BACH2: variants seen among roughly 807,000 people sequenced by gnomAD.
BACH2 encodes the protein BACH transcriptional regulator 2, also known as transcription regulator protein BACH2.
In BACH2, 5 loss-of-function variants were observed where a neutral mutation model predicts 61.8. The observed-to-expected ratio is 0.08, with a 90% CI of 0.04 to 0.17. The LOEUF (loss-of-function observed/expected upper bound fraction) is 0.17. BACH2 is among the 10% of genes least tolerant of loss of function. The probability of loss-of-function intolerance (pLI) is 1.00; values close to 1 mark genes in which losing one functional copy is unlikely to be tolerated. For missense variants in BACH2, 824 were observed against 1,091.1 expected (o/e 0.76, Z 3.45); for synonymous variants, 446 against 440.1 (o/e 1.01, Z -0.17).
chr6:89,961,320 T>A (rs1302017773), intron 6 of BACH2, among the ~76,000 whole-genome samples: 1 of 152,166 alleles, frequency 6.6e-6, no homozygotes, highest in African/African-American at 2.4e-5. Flanking sequence ...CGTTTTTCAG[T>A]GTAAAATAAA....
intron 5 of BACH2, among the ~76,000 whole-genome samples, chr6:90,010,473 C>T (rs564090794): frequency 7.9e-5 from 12 of 152,218 alleles, no homozygotes; most frequent in South Asian, 6.2e-4. Context: ...ATAAATATAG[C>T]GTAACTTTTT....
At chr6:90,178,173 G>C (rs2127840022) in intron 4 of BACH2, among the ~76,000 whole-genome samples, 1 of 152,278 alleles carries the variant, frequency 6.6e-6, no homozygotes, top group South Asian at 2.1e-4. Flanking sequence ...CTGGGGAAAT[G>C]CAAAGTTTGC....
At chr6:89,965,373 CAACCATG>C (rs2128359942) in intron 6 of BACH2, among the ~76,000 whole-genome samples, 1 of 152,338 alleles carries the variant, frequency 6.6e-6, no homozygotes, top group South Asian at 2.1e-4. Context: ...ACTCCTGCTT[CAACCATG>C]AATAGACATT....
intron 3 of BACH2, among the ~76,000 whole-genome samples, chr6:90,236,251 T>C (rs1770256156): frequency 6.6e-6 from 1 of 152,208 alleles, no homozygotes; most frequent in Non-Finnish European, 1.5e-5. Flanking sequence ...AAGCAAGCAA[T>C]AAACAGTGCT....
chr6:89,938,573 C>T (rs1249038981), intron 7 of BACH2, among the ~76,000 whole-genome samples: 3 of 152,146 alleles, frequency 2.0e-5, no homozygotes, highest in African/African-American at 7.2e-5. Context: ...GTTATTGTCT[C>T]TGAGATTTTT....
intron 1 of BACH2, among the ~76,000 whole-genome samples, chr6:90,296,148 A>G (rs1582578547): frequency 1.3e-5 from 2 of 151,328 alleles, no homozygotes; most frequent in African/African-American, 2.4e-5. Context: ...CTGACTTATT[A>G]CTCTCTGCTC....
intron 6 of BACH2, among the ~76,000 whole-genome samples, chr6:89,998,670 A>G (rs6931408): frequency 0.63 from 95,414 of 151,586 alleles, 31,306 homozygotes; most frequent in South Asian, 0.75. Flanking sequence ...TGCTTTTAAG[A>G]ACAGCCTTCT....
At chr6:89,945,471 T>C (rs1222044918) in intron 7 of BACH2, among the ~76,000 whole-genome samples, 1 of 152,182 alleles carries the variant, frequency 6.6e-6, no homozygotes, top group Non-Finnish European at 1.5e-5. Flanking sequence ...TCTTGCAAGA[T>C]TCTATTTATA....
At chr6:90,108,354 C>T (rs759912066) in intron 4 of BACH2, among the ~76,000 whole-genome samples, 2 of 152,166 alleles carry the variant, frequency 1.3e-5, no homozygotes, top group Non-Finnish European at 2.9e-5. Flanking sequence ...AGCTTACCTG[C>T]TCAAGCTGTC....
intron 4 of BACH2, among the ~76,000 whole-genome samples, chr6:90,168,636 T>C (rs749948529): frequency 1.4e-4 from 21 of 152,072 alleles, no homozygotes; most frequent in Non-Finnish European, 2.8e-4. Flanking sequence ...CCCAAACAAA[T>C]ACCTAATAGA....
intron 5 of BACH2, among the ~76,000 whole-genome samples, chr6:90,038,137 C>A (rs1371364158): frequency 6.6e-6 from 1 of 152,196 alleles, no homozygotes; most frequent in African/African-American, 2.4e-5. Context: ...GAAACTAGAA[C>A]AACCTTAAAG....
chr6:89,949,985 G>A (rs1379580005), intron 7 of BACH2: 3 of 480,072 alleles, frequency 6.2e-6, no homozygotes, highest in Non-Finnish European at 1.1e-5. Context: ...GAGTGCCTCA[G>A]TGTACTTCAT....
intron 5 of BACH2, among the ~76,000 whole-genome samples, chr6:90,030,384 G>A (rs943759633): frequency 1.3e-5 from 2 of 151,986 alleles, no homozygotes; most frequent in African/African-American, 4.8e-5. Flanking sequence ...TAGGAGGAAG[G>A]TTTCTGATTT....
At chr6:90,239,145 AC>A (rs1770350444) in intron 3 of BACH2, among the ~76,000 whole-genome samples, 1 of 151,952 alleles carries the variant, frequency 6.6e-6, no homozygotes, top group African/African-American at 2.4e-5. Context: ...TCAATACACA[AC>A]CCCATATGTA....
At chr6:90,006,838 G>A (rs768914973) in intron 6 of BACH2, among the ~76,000 whole-genome samples, 21 of 151,978 alleles carry the variant, frequency 1.4e-4, no homozygotes, top group Non-Finnish European at 2.8e-4. Flanking sequence ...AGACAGTCTT[G>A]AACTCCTGAA....
In BACH2 at chr6:90,008,532, C is replaced by G. The variant is rs1426264103; in HGVS notation, c.243+70G>C. 6.3e-7 allele frequency: 1 copy of G among 1,587,380 alleles called. No individual in the cohort carries two copies. Among genetic ancestry groups the G allele is most frequent in the African/African-American group, 1.3e-5 (1 of 74,478 alleles). ...ACATGGCACCTAGTACATCTTCTAGCTCCTAGTCAGCCAGTTTTCTGTAAG... is the reference window on the plus strand; with the variant it reads ...ACATGGCACCTAGTACATCTTCTAGGTCCTAGTCAGCCAGTTTTCTGTAAG... On this transcript the variant is annotated intron_variant, in intron 6 of 8. Coordinates refer to ENST00000257749, the MANE Select transcript of BACH2 (RefSeq NM_021813.4). The surrounding 1 kb of genome is among the most constrained non-coding windows in gnomAD (Gnocchi z 4.1).
intron 4 of BACH2, among the ~76,000 whole-genome samples, chr6:90,173,691 G>A (rs1767892839): frequency 6.6e-6 from 1 of 152,094 alleles, no homozygotes; most frequent in African/African-American, 2.4e-5. Context: ...GAAACTGATA[G>A]CAAAAAAGCA....
intron 3 of BACH2, among the ~76,000 whole-genome samples, chr6:90,239,104 A>T (rs944135225): frequency 1.3e-5 from 2 of 152,208 alleles, no homozygotes; most frequent in African/African-American, 4.8e-5. Context: ...GGTGTTTGCC[A>T]ATCAATGCTA....
At chr6:90,032,951 C>A (rs1413034480) in intron 5 of BACH2, among the ~76,000 whole-genome samples, 2 of 152,074 alleles carry the variant, frequency 1.3e-5, no homozygotes, top group East Asian at 3.9e-4. Flanking sequence ...AGACTTGGAA[C>A]CAACCCAAAT....
Sources: allele counts gnomAD v4.1 joint callset (sites outside exome capture counted in the v4.1 genomes callset), GRCh38; gene constraint gnomAD v4.1.1; non-coding constraint Gnocchi (gnomAD v3.1); transcripts MANE v1.5; gene names NCBI Gene and HGNC (gene_info 2026-07-23, HGNC 2026-07-21).